The following DLEC1 variants were observed in gnomAD, a reference collection of about 807,000 sequenced individuals.
The protein encoded by DLEC1 is DLEC1 cilia and flagella associated protein.
In DLEC1, 146 loss-of-function variants were observed where a neutral mutation model predicts 198.1. The ratio of observed to expected loss-of-function variants is 0.74; its 90% CI spans 0.64 to 0.85. The LOEUF (loss-of-function observed/expected upper bound fraction) is 0.85, where lower values mean the gene tolerates loss of function less well. DLEC1 is among the 40% of genes least tolerant of loss of function. The pLI, the probability that DLEC1 is intolerant of heterozygous loss-of-function variation, is 0.00. For missense variants in DLEC1, 2,233 were observed against 2,220.0 expected (o/e 1.01, Z -0.12); for synonymous variants, 897 against 866.8 (o/e 1.03, Z -0.61).
intron 6 of DLEC1, among the ~76,000 whole-genome samples, chr3:38,066,983 T>C (rs986241753): frequency 1.3e-5 from 2 of 152,178 alleles, no homozygotes; most frequent in African/African-American, 4.8e-5. Flanking sequence ...AGTTAGGGAA[T>C]AGAATAGGGA....
intron 11 of DLEC1, 124 bp from the exon 12 acceptor site, chr3:38,093,481 T>G: frequency 1.8e-5 from 20 of 1,134,600 alleles, no homozygotes; most frequent in East Asian, 2.4e-5. Flanking sequence ...CCCTCCAGTG[T>G]GAGCTTGCAG....
intron 3 of DLEC1, 89 bp downstream of exon 3, chr3:38,059,941 C>T: frequency 9.3e-7 from 1 of 1,077,472 alleles, no homozygotes; most frequent in Non-Finnish European, 1.4e-6. Context: ...CATTTCCTTG[C>T]TCAGAGGTTT....
chr3:38,108,220 G>A (rs1699669994), intron 20 of DLEC1, among the ~76,000 whole-genome samples, 185 bp from the exon 21 acceptor site: 1 of 152,208 alleles, frequency 6.6e-6, no homozygotes, highest in Non-Finnish European at 1.5e-5. Flanking sequence ...ATCCAGGGTT[G>A]GGGAGGAGAG....
chr3:38,095,977 G>T, intron 14 of DLEC1, 31 bp downstream of exon 14: 1 of 1,612,002 alleles, frequency 6.2e-7, no homozygotes, highest in Non-Finnish European at 8.5e-7. Context: ...GATGAGAAGT[G>T]GGCAGCTGGG....
Position 38,122,890 on chromosome 3 carries a change from T to A in DLEC1, c.*478T>A. 1.2e-6 allele frequency: 1 copy of A among 808,106 alleles called. No individual in the cohort carries two copies. Among genetic ancestry groups the A allele is most frequent in the Non-Finnish European group, 2.0e-6 (1 of 509,610 alleles). 50.1% of individuals were successfully genotyped at this position (808,106 alleles called of 1,614,324 possible). The stretch of plus-strand genomic sequence containing the variant: ...ACCCACTCCTATACCATGTCATCAG[T>A]GTTCACATTTTCCAAATGAGTTGAA... On this transcript the variant is annotated 3_prime_UTR_variant, in exon 37 of 37. Transcript: ENST00000308059.
Position 38,123,485 on chromosome 3 carries a change from T to C in DLEC1, c.*1073T>C, listed in dbSNP as rs1700589497. 1 of 184,708 alleles carries C rather than the reference T, an allele frequency of 5.4e-6. No individual in the cohort carries two copies. Among genetic ancestry groups the C allele is most frequent in the African/African-American group, 2.4e-5 (1 of 42,422 alleles). The allele number at this position is 184,708 out of a possible 1,614,324, so 11.4% of individuals were successfully genotyped here. A position where few individuals can be genotyped will look rare whatever the true frequency, so the allele number is the denominator to read the frequency against. On this transcript the variant is annotated 3_prime_UTR_variant, in exon 37 of 37. Transcript: ENST00000308059. ...CTGGAAGAACAAAATCCCTAAAGTCTAAAATCCTGAAAATCACAATCCTAA... is the reference window on the plus strand; with the variant it reads ...CTGGAAGAACAAAATCCCTAAAGTCCAAAATCCTGAAAATCACAATCCTAA...
chr3:38,098,406 G>GA (rs749257537), intron 18 of DLEC1, among the ~76,000 whole-genome samples: 29 of 152,062 alleles, frequency 1.9e-4, no homozygotes, highest in African/African-American at 5.8e-4. Context: ...ATAAAAGTAG[G>GA]AAAAAAAGCA....
At chr3:38,096,819 G>A (rs1699047908) in intron 15 of DLEC1, 82 bp downstream of exon 15, 7 of 1,470,370 alleles carry the variant, frequency 4.8e-6, no homozygotes, top group Non-Finnish European at 6.4e-6. Context: ...ATAGCAGGAG[G>A]GGCAGATGGT....
chr3:38,055,660 G>T (rs914936967), intron 2 of DLEC1, among the ~76,000 whole-genome samples: 2 of 152,096 alleles, frequency 1.3e-5, no homozygotes, highest in African/African-American at 4.8e-5. Flanking sequence ...TGGAGAAAGG[G>T]TGTGATTCTG....
At chr3:38,064,943 C>T (rs929148662) in intron 6 of DLEC1, among the ~76,000 whole-genome samples, 17 of 152,232 alleles carry the variant, frequency 1.1e-4, no homozygotes, top group African/African-American at 3.9e-4. Flanking sequence ...GGGTGGCGGC[C>T]GGGCAGAGGC....
chr3:38,058,537 A>T (rs1190744319), intron 2 of DLEC1, among the ~76,000 whole-genome samples: 1 of 152,232 alleles, frequency 6.6e-6, no homozygotes, highest in Non-Finnish European at 1.5e-5. Context: ...AAGCTGAAAA[A>T]GTCTTATATT....
At chr3:38,041,188 G>A (rs1700636151) in intron 1 of DLEC1, among the ~76,000 whole-genome samples, 1 of 152,024 alleles carries the variant, frequency 6.6e-6, no homozygotes, top group African/African-American at 2.4e-5. Context: ...ATTTTTAGTA[G>A]AGACAGGGTT....
chr3:38,062,646 C>G lies in DLEC1; in HGVS notation c.939C>G (p.Asp313Glu), dbSNP rs895543544. The change falls in exon 5 of 37, where the codon GAC (aspartate) becomes GAG (glutamate). Residue 313 changes from aspartate to glutamate, a missense_variant. Coordinates refer to ENST00000308059, the MANE Select transcript of DLEC1 (RefSeq NM_007335.4). ...NHLRVPQREL[D>E]RLLLARMESR... Reference sequence around the variant, plus strand: ...TACGTGTGCCACAGAGAGAGCTAGACAGACTTCTGCTTGCCAGAATGGAGA... The same window carrying G: ...TACGTGTGCCACAGAGAGAGCTAGAGAGACTTCTGCTTGCCAGAATGGAGA... The G allele has an allele frequency of 1.9e-6, 3 of 1,614,038 alleles. No homozygotes were observed. The African/African-American group carries it at 4.0e-5, about 22-fold the overall frequency.
chr3:38,118,726 C>G (rs541307738), intron 33 of DLEC1, among the ~76,000 whole-genome samples: 1 of 152,192 alleles, frequency 6.6e-6, no homozygotes, highest in Non-Finnish European at 1.5e-5. Flanking sequence ...CAGAGGCCCT[C>G]TTTCTTCTTC....
In DLEC1 at chr3:38,117,990, A is replaced by G. The variant is rs777756430; in HGVS notation, c.4670A>G (p.Lys1557Arg). The G allele has an allele frequency of 9.9e-6, 16 of 1,611,986 alleles. No individual in the cohort carries two copies. The highest frequency in any genetic ancestry group is 1.3e-5 in the Non-Finnish European group (15 of 1,179,004). The change falls in exon 33 of 37, where the codon AAG (lysine) becomes AGG (arginine). Residue 1557 changes from lysine to arginine, a missense_variant. Lys to Arg is a conservative substitution (Grantham distance 26, BLOSUM62 2). Coordinates refer to ENST00000308059, the MANE Select transcript of DLEC1 (RefSeq NM_007335.4). ...ECEEETASAD[K>R]QLVLQAQENM... ...GAGGAGGAGACAGCCTCAGCGGACA[A>G]GCAGCTGGTGCTCCAAGCACAGGAG... is the stretch of plus-strand genomic sequence containing the variant.
At chr3:38,083,015 A>T (rs1698140073) in intron 6 of DLEC1, among the ~76,000 whole-genome samples, 1 of 151,982 alleles carries the variant, frequency 6.6e-6, no homozygotes, top group Non-Finnish European at 1.5e-5. Flanking sequence ...AATTAAGAGA[A>T]GGGAGAGATT....
chr3:38,075,738 G>A (rs1004267025), intron 6 of DLEC1, among the ~76,000 whole-genome samples: 2 of 152,064 alleles, frequency 1.3e-5, no homozygotes, highest in African/African-American at 4.8e-5. Flanking sequence ...ATAAGAGGTT[G>A]GGGCATGGAA....
intron 6 of DLEC1, among the ~76,000 whole-genome samples, chr3:38,079,203 A>G (rs970280759): frequency 1.3e-5 from 2 of 152,188 alleles, no homozygotes; most frequent in Non-Finnish European, 2.9e-5. Flanking sequence ...GCTGTAATCC[A>G]GGAATAGTCA....
chr3:38,070,148 G>A (rs1195938936), intron 6 of DLEC1, among the ~76,000 whole-genome samples: 1 of 152,204 alleles, frequency 6.6e-6, no homozygotes, highest in Non-Finnish European at 1.5e-5. Context: ...GCCCTTGGGG[G>A]TCTCCCAATC....
Sources: gnomAD v4.1 joint callset for allele counts (sites outside exome capture counted in the v4.1 genomes callset) on GRCh38, gnomAD v4.1.1 for gene constraint, MANE v1.5 for transcripts, NCBI Gene and HGNC (gene_info 2026-07-23, HGNC 2026-07-21) for gene names.